Variants in BICD1 observed in about 807,000 individuals in gnomAD.
The protein encoded by BICD1 is BICD cargo adaptor 1, also known as protein bicaudal D homolog 1.
Under a neutral mutation model 92.5 loss-of-function variants are expected in BICD1, and 35 were observed. That is an observed-to-expected ratio of 0.38 (90% CI 0.29 to 0.50). The LOEUF is 0.50. Ranked by LOEUF, BICD1 falls within the 20% of genes least tolerant of loss-of-function variation. The pLI is 0.93. For synonymous variants in BICD1, 429 were observed against 465.1 expected (o/e 0.92, Z 1.00); for missense variants, 950 against 1,189.8 (o/e 0.80, Z 2.97).
intron 2 of BICD1, among the ~76,000 whole-genome samples, chr12:32,263,430 C>T (rs1236606760): frequency 6.6e-6 from 1 of 151,554 alleles, no homozygotes; most frequent in African/African-American, 2.4e-5. Context: ...ACCTGTAATC[C>T]CAGCTACTCG....
chr12:32,281,451 A>G (rs1382435955), intron 2 of BICD1, among the ~76,000 whole-genome samples: 1 of 152,168 alleles, frequency 6.6e-6, no homozygotes, highest in Admixed American at 6.5e-5. Flanking sequence ...TCCTGCGTCC[A>G]TCAGCTTGTT....
chr12:32,341,204 A>G (rs1423762782), intron 8 of BICD1, among the ~76,000 whole-genome samples: 3 of 152,176 alleles, frequency 2.0e-5, no homozygotes, highest in African/African-American at 7.2e-5. Flanking sequence ...GGCCGGCTGC[A>G]GTGGTTCACA....
chr12:32,151,143 G>A (rs906482791), intron 1 of BICD1, among the ~76,000 whole-genome samples: 4 of 152,160 alleles, frequency 2.6e-5, no homozygotes, highest in African/African-American at 9.7e-5. Flanking sequence ...AGAATACTGA[G>A]ATTTATATGA....
chr12:32,275,721 G>A (rs792858), intron 2 of BICD1, among the ~76,000 whole-genome samples: 33,792 of 150,672 alleles, frequency 0.22, 4,769 homozygotes, highest in Non-Finnish European at 0.32. Flanking sequence ...CTCCAGATCC[G>A]GCAGGGTGTC....
chr12:32,294,620 TAAAAAAAAAAAA>T lies in BICD1; in HGVS notation c.579+488_579+499del, dbSNP rs60052535. Among the ~76,000 whole-genome samples the T allele has an allele frequency of 3.9e-3, 258 of 65,652 alleles. 2 individuals are homozygous for T. Among genetic ancestry groups the T allele is most frequent in the African/African-American group, 0.015 (248 of 16,644 alleles). The allele number at this position is 65,652 out of a possible 152,430, so 43.1% of individuals were successfully genotyped here. A position where few individuals can be genotyped will look rare whatever the true frequency, so the allele number is the denominator to read the frequency against. ...TTGGTGACAGAGTGAGACTCCGTCT[TAAAAAAAAAAAA>T]AAAAAAAAAAAAAGCCTGGGTCTGT... On this transcript the variant is annotated intron_variant, in intron 3 of 9. Transcript: ENST00000652176.
At chr12:32,113,422 C>T (rs1309747935) in intron 1 of BICD1, among the ~76,000 whole-genome samples, 1 of 152,168 alleles carries the variant, frequency 6.6e-6, no homozygotes. Flanking sequence ...CTCTCTGTCA[C>T]CCAGGCTGGA....
chr12:32,216,474 T>G lies in BICD1; in HGVS notation c.426+15T>G. ...ATCTGAAGGAGGTAAATAAACAAAT[T>G]CCCTATGAGAGATTTGTGAGAGGGA... On this transcript the variant is annotated intron_variant, in intron 2 of 9. Transcript: ENST00000652176. 1 of 1,609,868 alleles carries G rather than the reference T, an allele frequency of 6.2e-7. No individual in the cohort carries two copies. Among genetic ancestry groups the G allele is most frequent in the Non-Finnish European group, 8.5e-7 (1 of 1,177,310 alleles).
At chr12:32,305,380 TAA>T (rs1948184521) in intron 3 of BICD1, among the ~76,000 whole-genome samples, 1 of 151,908 alleles carries the variant, frequency 6.6e-6, no homozygotes, top group South Asian at 2.1e-4. Flanking sequence ...AAAGAAATCC[TAA>T]GACAATAGAC....
intron 2 of BICD1, among the ~76,000 whole-genome samples, chr12:32,265,436 C>T (rs962163216): frequency 8.6e-5 from 13 of 151,496 alleles, no homozygotes; most frequent in African/African-American, 1.9e-4. Flanking sequence ...GGGTTGGGCA[C>T]GATGGCTCAC....
intron 2 of BICD1, among the ~76,000 whole-genome samples, chr12:32,245,987 G>A (rs1946370858): frequency 8.7e-6 from 1 of 115,476 alleles, no homozygotes; most frequent in Non-Finnish European, 1.6e-5. Context: ...CCGAGATCGT[G>A]TCACTGCACT....
chr12:32,293,261 C>T (rs1331849605), intron 2 of BICD1, among the ~76,000 whole-genome samples: 5 of 152,138 alleles, frequency 3.3e-5, no homozygotes, highest in African/African-American at 7.2e-5. Context: ...TTGCTTTTCA[C>T]ATTTAATAAT....
chr12:32,363,981 G>C (rs1465614396), intron 8 of BICD1, among the ~76,000 whole-genome samples: 1 of 148,278 alleles, frequency 6.7e-6, no homozygotes, highest in East Asian at 2.0e-4. Context: ...CAATAAATAA[G>C]TACTAGATGC....
chr12:32,360,709 T>G (rs573033978), intron 8 of BICD1, among the ~76,000 whole-genome samples: 5 of 152,076 alleles, frequency 3.3e-5, no homozygotes, highest in Non-Finnish European at 7.4e-5. Flanking sequence ...CATAACTAAT[T>G]GAATGATATG....
chr12:32,316,737 G>C (rs943763035), intron 4 of BICD1, among the ~76,000 whole-genome samples: 5 of 151,460 alleles, frequency 3.3e-5, no homozygotes, highest in African/African-American at 1.2e-4. Flanking sequence ...TAAGTTTTAG[G>C]GTACATATGC....
chr12:32,265,759 A>G (rs553038522), intron 2 of BICD1, among the ~76,000 whole-genome samples: 9 of 151,854 alleles, frequency 5.9e-5, no homozygotes, highest in Middle Eastern at 3.4e-3. Flanking sequence ...AAATTACAGT[A>G]TAATTTTTCT....
chr12:32,200,711 T>G (rs1366566514), intron 1 of BICD1, among the ~76,000 whole-genome samples: 2 of 152,188 alleles, frequency 1.3e-5, no homozygotes, highest in Admixed American at 1.3e-4. Flanking sequence ...TAAATAATGA[T>G]TGTACTGAAC....
At chr12:32,204,294 G>A (rs914820057) in intron 1 of BICD1, among the ~76,000 whole-genome samples, 1 of 149,320 alleles carries the variant, frequency 6.7e-6, no homozygotes, top group Non-Finnish European at 1.5e-5. Context: ...AGGTTGCAAT[G>A]AGCTGTGATC....
intron 2 of BICD1, among the ~76,000 whole-genome samples, chr12:32,259,026 AG>A (rs1246483263): frequency 6.6e-6 from 1 of 152,172 alleles, no homozygotes; most frequent in African/African-American, 2.4e-5. Context: ...GCTAAGTAAC[AG>A]GTGCTTTCCC....
intron 8 of BICD1, chr12:32,353,694 T>G (rs562235024): frequency 2.0e-5 from 3 of 152,286 alleles, no homozygotes; most frequent in African/African-American, 7.2e-5. Flanking sequence ...TTTAGTGGAT[T>G]CTTGATTGTA....
Sources: allele counts gnomAD v4.1 joint callset (sites outside exome capture counted in the v4.1 genomes callset), GRCh38; gene constraint gnomAD v4.1.1; transcripts MANE v1.5; gene names NCBI Gene and HGNC (gene_info 2026-07-23, HGNC 2026-07-21).